The following BRF1 variants were observed in gnomAD, a reference collection of about 807,000 sequenced individuals.
BRF1 encodes the protein transcription factor IIIB 90 kDa subunit.
Under a neutral mutation model 81.7 loss-of-function variants are expected in BRF1, and 59 were observed. The ratio of observed to expected loss-of-function variants is 0.72; its 90% CI spans 0.59 to 0.90. The LOEUF is 0.90. BRF1 is among the 40% of genes least tolerant of loss of function. The pLI, the probability that BRF1 is intolerant of heterozygous loss-of-function variation, is 0.00. For synonymous variants in BRF1, 491 were observed against 395.6 expected (o/e 1.24, Z -2.86); for missense variants, 1,050 against 936.3 (o/e 1.12, Z -1.58).
chr14:105,214,611 G>T (rs1890767610), intron 15 of BRF1, among the ~76,000 whole-genome samples: 1 of 151,526 alleles, frequency 6.6e-6, no homozygotes, highest in South Asian at 2.1e-4. Flanking sequence ...CATGACGCAG[G>T]ACCAGGGGCA....
chr14:105,256,440 CACCCCGGTCACA>C (rs901732450), intron 4 of BRF1, 66 bp downstream of exon 4: 3 of 1,613,812 alleles, frequency 1.9e-6, no homozygotes, highest in African/African-American at 1.3e-5. Context: ...ACCTGGGGTA[CACCCCGGTCACA>C]ACCCTGGTCA....
chr14:105,228,748 C>T, intron 7 of BRF1, 72 bp downstream of exon 7: 2 of 1,549,764 alleles, frequency 1.3e-6, no homozygotes, highest in South Asian at 2.2e-5. Context: ...GGCGCCTGCT[C>T]TGGCAAGCAG....
rs61743879 is a variant in BRF1 at position 105,249,193 on chromosome 14, C to T, written c.544+3314G>A. On this transcript the variant is annotated intron_variant, in intron 5 of 17. Coordinates refer to ENST00000547530, the MANE Select transcript of BRF1 (RefSeq NM_001519.4). ...TGTTCAACAACGAGCTCATGGCCGACGTGCACTTCGTCGTGGGGCCCCCGG... is the reference window on the plus strand; with the variant it reads ...TGTTCAACAACGAGCTCATGGCCGATGTGCACTTCGTCGTGGGGCCCCCGG... The T allele has an allele frequency of 1.1e-3, 1,680 of 1,588,872 alleles. 15 individuals are homozygous for T. The African/African-American group carries it at 0.02, about 19-fold the overall frequency.
chr14:105,288,453 AAAAAAT>A (rs916864650), intron 1 of BRF1, among the ~76,000 whole-genome samples: 57 of 151,418 alleles, frequency 3.8e-4, no homozygotes, highest in South Asian at 1.5e-3. Flanking sequence ...CTCCGTCTCA[AAAAAAT>A]AAAAATAAAA....
intron 15 of BRF1, among the ~76,000 whole-genome samples, chr14:105,215,259 CACAT>C (rs1308268285): frequency 4.6e-5 from 7 of 152,092 alleles, no homozygotes; most frequent in Non-Finnish European, 5.9e-5. Flanking sequence ...TGTATACAGA[CACAT>C]GCATGCACAC....
intron 15 of BRF1, among the ~76,000 whole-genome samples, chr14:105,215,472 A>G (rs1386423417): frequency 4.6e-5 from 7 of 152,112 alleles, no homozygotes; most frequent in African/African-American, 1.7e-4. Context: ...ACCAGAACAC[A>G]TGCACACACA....
intron 10 of BRF1, among the ~76,000 whole-genome samples, chr14:105,223,220 GC>G (rs1473567953): frequency 6.6e-6 from 1 of 152,114 alleles, no homozygotes; most frequent in African/African-American, 2.4e-5. Flanking sequence ...ATACACACTT[GC>G]CTTTCACATA....
chr14:105,298,793 T>A (rs1438686731), intron 1 of BRF1, among the ~76,000 whole-genome samples: 4 of 151,536 alleles, frequency 2.6e-5, no homozygotes, highest in Non-Finnish European at 4.4e-5. Flanking sequence ...AGGCAGAGGT[T>A]GCAGTGAAAC....
In BRF1 at chr14:105,286,347, C is replaced by T. The variant is rs751916363; in HGVS notation, c.214G>A (p.Gly72Ser). Reference sequence around the variant, plus strand: ...TCCTTCCCCAGATTCACGTGGAAGCCGCCACCCAGAGTCGGGGTTTTGCCA... The same window carrying T: ...TCCTTCCCCAGATTCACGTGGAAGCTGCCACCCAGAGTCGGGGTTTTGCCA... Reference protein sequence around the residue: ...GAGKTPTLGGGFHVNLGKESR... With the variant: ...GAGKTPTLGGSFHVNLGKESR... The change falls in exon 2 of 18, where the codon GGC becomes AGC. Residue 72 changes from glycine (G) to serine (S), a missense_variant. By Grantham distance (56) the Gly-to-Ser change is moderately conservative. Transcript: ENST00000547530. The T allele has an allele frequency of 8.7e-6, 14 of 1,613,570 alleles. No individual in the cohort carries two copies. Among genetic ancestry groups the T allele is most frequent in the Middle Eastern group, 1.6e-4 (1 of 6,082 alleles).
intron 2 of BRF1, among the ~76,000 whole-genome samples, chr14:105,275,778 G>T (rs587647037): frequency 4.7e-4 from 71 of 152,394 alleles, no homozygotes; most frequent in African/African-American, 1.7e-3. Context: ...CCCCTACGGG[G>T]ATGGTATTAA....
rs149537266 is a variant in BRF1 at position 105,252,240 on chromosome 14, G to A, written c.544+267C>T. On this transcript the variant is annotated intron_variant, in intron 5 of 17. Coordinates refer to ENST00000547530, the MANE Select transcript of BRF1 (RefSeq NM_001519.4). ...CTGTAATCCCAGTGCTTTGGGAGGC[G>A]AAGGCACGAGGATCACTTGAGGCCA... is the stretch of plus-strand genomic sequence containing the variant. 2.8e-4 allele frequency among the ~76,000 whole-genome samples: 42 copies of A among 152,302 alleles called. 1 individual carries two copies. The highest frequency in any genetic ancestry group is 2.7e-3 in the East Asian group (14 of 5,182).
Position 105,271,904 on chromosome 14 carries a change from T to C in BRF1, c.439+817A>G, listed in dbSNP as rs1415843766. On this transcript the variant is annotated intron_variant, in intron 3 of 17. Transcript: ENST00000547530. This position sits in a 1 kb window ranked among gnomAD's most constrained non-coding sequence, Gnocchi z 5.5. ...AGGCCAAGCTGCACACCGCTGAGGG[T>C]CGGCGGCCTCCCCGCCCACCGCCTG... 1.4e-5 allele frequency among the ~76,000 whole-genome samples: 1 copy of C among 69,576 alleles called. No individual in the cohort carries two copies. Among genetic ancestry groups the C allele is most frequent in the Non-Finnish European group, 2.9e-5 (1 of 33,956 alleles). The allele number at this position is 69,576 out of a possible 152,430, so 45.6% of individuals were successfully genotyped here.
At chr14:105,228,955 A>T in intron 6 of BRF1, 42 bp from the exon 7 acceptor site, 1 of 1,583,948 alleles carries the variant, frequency 6.3e-7, no homozygotes, top group Non-Finnish European at 8.7e-7. Context: ...ACGGCTGGGA[A>T]CCAGGGCAAC....
chr14:105,248,262 C>A, intron 5 of BRF1: 1 of 985,448 alleles, frequency 1.0e-6, no homozygotes, highest in African/African-American at 1.7e-5. Flanking sequence ...CGGCCAGAGG[C>A]AGACTCCGGA....
intron 6 of BRF1, among the ~76,000 whole-genome samples, chr14:105,240,958 C>T (rs1483447039): frequency 5.3e-5 from 8 of 152,332 alleles, no homozygotes; most frequent in African/African-American, 1.2e-4. Flanking sequence ...AGAAGCCGGG[C>T]CCCACGAGAC....
chr14:105,217,871 T>G, intron 14 of BRF1, 71 bp from the exon 15 acceptor site: 1 of 1,575,004 alleles, frequency 6.3e-7, no homozygotes, highest in Non-Finnish European at 8.6e-7. Flanking sequence ...GGGCTCCACG[T>G]GAGGCCAGGA....
chr14:105,266,505 T>C (rs1168498376), intron 3 of BRF1, among the ~76,000 whole-genome samples: 3 of 152,124 alleles, frequency 2.0e-5, no homozygotes, highest in South Asian at 2.1e-4. Context: ...AATAAATACA[T>C]TGGTGTTTGA....
At chr14:105,259,652 G>A (rs894493089) in intron 3 of BRF1, among the ~76,000 whole-genome samples, 1 of 152,204 alleles carries the variant, frequency 6.6e-6, no homozygotes, top group Non-Finnish European at 1.5e-5. Flanking sequence ...GCTCACGCCT[G>A]TAATCCCAGC....
intron 10 of BRF1, among the ~76,000 whole-genome samples, chr14:105,222,850 G>A (rs587769887): frequency 1.3e-5 from 2 of 152,248 alleles, no homozygotes; most frequent in South Asian, 4.1e-4. Flanking sequence ...GGATGGTCTT[G>A]ATCTCCTGAC....
Sources: gnomAD v4.1 joint callset for allele counts (sites outside exome capture counted in the v4.1 genomes callset) on GRCh38, gnomAD v4.1.1 for gene constraint, Gnocchi (gnomAD v3.1) non-coding constraint, MANE v1.5 for transcripts, NCBI Gene and HGNC (gene_info 2026-07-23, HGNC 2026-07-21) for gene names.